CAPN14: variants seen among roughly 807,000 people sequenced by gnomAD.
The protein encoded by CAPN14 is calpain 14.
CAPN14 carries 94 observed loss-of-function variants against 101.3 expected under a neutral mutation model. The observed-to-expected ratio is 0.93, with a 90% CI of 0.79 to 1.10. The LOEUF (loss-of-function observed/expected upper bound fraction) is 1.10, where lower values mean the gene tolerates loss of function less well. CAPN14 is among the 50% of genes least tolerant of loss of function. The pLI is 0.00. For missense variants in CAPN14, 837 were observed against 828.4 expected (o/e 1.01, Z -0.13); for synonymous variants, 338 against 317.9 (o/e 1.06, Z -0.67).
Position 31,192,375 on chromosome 2 carries a change from C to T in CAPN14, c.1115-277G>A, listed in dbSNP as rs147766514. The stretch of plus-strand genomic sequence containing the variant: ...TGGCCCAGGTGTTATACCCCACAAG[C>T]ATGTGCTACCTGAGTAAGCAATTGT... On this transcript the variant is annotated intron_variant, in intron 10 of 21. Coordinates refer to ENST00000403897, the MANE Select transcript of CAPN14 (RefSeq NM_001145122.2). Among the ~76,000 whole-genome samples the T allele has an allele frequency of 6.9e-3, 1,048 of 152,320 alleles. 14 individuals carry two copies. The highest frequency in any genetic ancestry group is 0.024 in the African/African-American group (1,013 of 41,566).
chr2:31,216,916 AG>A (rs1682672109), intron 1 of CAPN14, among the ~76,000 whole-genome samples: 1 of 152,196 alleles, frequency 6.6e-6, no homozygotes, highest in Non-Finnish European at 1.5e-5. Context: ...TCACCGTCCC[AG>A]TGTGTTTTTC....
intron 17 of CAPN14, among the ~76,000 whole-genome samples, chr2:31,179,918 T>C (rs1270725447): frequency 6.6e-6 from 1 of 152,240 alleles, no homozygotes; most frequent in African/African-American, 2.4e-5. Context: ...GCCAATTTGA[T>C]GTGATTTAAA....
Position 31,226,944 on chromosome 2 carries a change from T to TG in CAPN14, c.-176-294dup, listed in dbSNP as rs563214244. Among the ~76,000 whole-genome samples the TG allele has an allele frequency of 1.7e-3, 255 of 152,328 alleles. 1 individual carries two copies. The highest frequency in any genetic ancestry group is 2.8e-3 in the Non-Finnish European group (191 of 68,030). On this transcript the variant is annotated intron_variant and NMD_transcript_variant, in intron 1 of 21. Coordinates refer to the CAPN14 transcript ENST00000398824. ...GATAGCTCAATCAAAGATGCCTGTG[T>TG]GGGCAGTTTCCTACCTCTCTGCACC...
chr2:31,233,478 C>T (rs1333857009), intron 1 of CAPN14, among the ~76,000 whole-genome samples: 3 of 152,214 alleles, frequency 2.0e-5, no homozygotes, highest in Non-Finnish European at 4.4e-5. Context: ...TGACCCTCTG[C>T]TCATGCCTCC....
intron 2 of CAPN14, among the ~76,000 whole-genome samples, chr2:31,224,375 A>ATT (rs1171452411): frequency 6.6e-6 from 1 of 152,052 alleles, no homozygotes; most frequent in Non-Finnish European, 1.5e-5. Flanking sequence ...TTGGTAGAAT[A>ATT]TTTTTTTTAT....
chr2:31,186,328 C>T, intron 16 of CAPN14, 100 bp downstream of exon 16: 2 of 746,342 alleles, frequency 2.7e-6, no homozygotes, highest in Non-Finnish European at 4.3e-6. Context: ...GACCAGTGCT[C>T]AGTAATTCAC....
At chr2:31,179,060 C>CTATAAATATA (rs1553389815) in intron 17 of CAPN14, among the ~76,000 whole-genome samples, 2 of 69,214 alleles carry the variant, frequency 2.9e-5, no homozygotes, top group African/African-American at 1.5e-4. Flanking sequence ...TTATTGAGTT[C>CTATAAATATA]TATATATATA....
chr2:31,182,684 G>A (rs961787195), intron 16 of CAPN14, among the ~76,000 whole-genome samples: 2 of 141,130 alleles, frequency 1.4e-5, no homozygotes, highest in Non-Finnish European at 3.0e-5. Flanking sequence ...TGAAATAAAA[G>A]AGGACACAAA....
chr2:31,201,924 G>A lies in CAPN14; in HGVS notation c.489C>T (p.Val163=). Residue 163 remains valine (V), a synonymous_variant, in exon 5 of 22, where the codon GTC becomes GTT. Transcript: ENST00000403897. ...RLPVNEAGQL[V]FVSSTYKNLF... is the part of the protein sequence containing the mutation. ...AGTTCTTATAGGTGGAGGAGACAAA[G>A]ACCAGCTGGCCAGCCTCATTCACAG... is the stretch of plus-strand genomic sequence containing the variant. The A allele has an allele frequency of 6.4e-7, 1 of 1,551,728 alleles. No individual in the cohort carries two copies. Among genetic ancestry groups the A allele is most frequent in the Non-Finnish European group, 8.7e-7 (1 of 1,147,000 alleles).
intron 1 of CAPN14, among the ~76,000 whole-genome samples, chr2:31,227,173 C>T (rs964044830): frequency 6.6e-6 from 1 of 152,166 alleles, no homozygotes; most frequent in African/African-American, 2.4e-5. Flanking sequence ...CTTATTAAAA[C>T]CAGATACACA....
chr2:31,200,801 T>C (rs1681720085), intron 5 of CAPN14, among the ~76,000 whole-genome samples, 176 bp from the exon 6 acceptor site: 1 of 152,118 alleles, frequency 6.6e-6, no homozygotes. Context: ...CTCCAGCTGG[T>C]GGTCATAGAT....
Position 31,205,385 on chromosome 2 carries a change from C to A in CAPN14, c.63G>T (p.Ala21=), listed in dbSNP as rs768792436. 15 of 1,551,500 alleles carry A rather than the reference C, an allele frequency of 9.7e-6. No homozygotes were observed. In the South Asian group the frequency reaches 1.7e-4, roughly 17 times the overall value. The change falls in exon 2 of 22, where the codon GCG becomes GCT. Residue 21 remains alanine (A), a synonymous_variant. Coordinates refer to ENST00000403897, the MANE Select transcript of CAPN14 (RefSeq NM_001145122.2). ...WKLAPRYSRR[A]SPQQPQQDFE... is the part of the protein sequence containing the mutation. ...AGTCCTGTTGGGGTTGCTGTGGAGA[C>A]GCCCTCCTAGAGTACCTTGGCGCCA...
rs1341604396 is a variant in CAPN14, at chr2:31,200,300, T to C, written c.726+151A>G. Reference sequence around the variant, plus strand: ...GATTACAGGTGTGAGCCACCGCACCTGGCCTTGCTGCTCTGGTTTGAACAC... The same window carrying C: ...GATTACAGGTGTGAGCCACCGCACCCGGCCTTGCTGCTCTGGTTTGAACAC... On this transcript the variant is annotated intron_variant, in intron 6 of 21. Transcript: ENST00000403897. 9 of 647,218 alleles carry C rather than the reference T, an allele frequency of 1.4e-5. No homozygotes were observed. In the East Asian group the frequency reaches 2.7e-4, roughly 19 times the overall value. 40.1% of individuals were successfully genotyped at this position (647,218 alleles called of 1,614,324 possible).
chr2:31,211,655 G>A (rs1682407111), intron 1 of CAPN14, among the ~76,000 whole-genome samples: 1 of 123,556 alleles, frequency 8.1e-6, no homozygotes, highest in East Asian at 2.7e-4. Flanking sequence ...ATTATTAAAT[G>A]AGCACGTGTG....
chr2:31,211,242 G>A (rs1351602076), intron 1 of CAPN14, among the ~76,000 whole-genome samples: 2 of 104,940 alleles, frequency 1.9e-5, no homozygotes, highest in South Asian at 4.1e-4. Flanking sequence ...AAGAAAAAGA[G>A]AGAAAGAGAG....
rs1398973375 is a variant in CAPN14 at position 31,230,220 on chromosome 2, A to G, written c.-176-3569T>C. ...TCAACTAGACCCCAGTGTGGTATAT[A>G]TTTTATATGAATGTGGCACATTTAT... is the stretch of plus-strand genomic sequence containing the variant. On this transcript the variant is annotated intron_variant and NMD_transcript_variant, in intron 1 of 21. Transcript: ENST00000398824. The surrounding 1 kb of genome is among the most constrained non-coding windows in gnomAD (Gnocchi z 4.3). Among the ~76,000 whole-genome samples the G allele has an allele frequency of 6.6e-6, 1 of 152,112 alleles. No individual in the cohort carries two copies. Among genetic ancestry groups the G allele is most frequent in the African/African-American group, 2.4e-5 (1 of 41,400 alleles).
chr2:31,202,114 G>A lies in CAPN14; in HGVS notation c.414+20C>T, dbSNP rs763355673. ...TTTCCTATGACTCCCTCTGGGCTGA[G>A]GACCCGGGAAGACACTCACCCAGAA... On this transcript the variant is annotated intron_variant, in intron 4 of 21. Transcript: ENST00000403897. 1.3e-6 allele frequency: 2 copies of A among 1,550,640 alleles called. No individual in the cohort carries two copies. Among genetic ancestry groups the A allele is most frequent in the Non-Finnish European group, 1.7e-6 (2 of 1,145,888 alleles).
rs1454728550 is a variant in CAPN14 at position 31,173,446 on chromosome 2, G to T, written c.*1235C>A. 6.6e-6 allele frequency: 1 copy of T among 152,090 alleles called. No homozygotes were observed. The highest frequency in any genetic ancestry group is 2.4e-5 in the African/African-American group (1 of 41,390). The allele number at this position is 152,090 out of a possible 1,614,324, so 9.4% of individuals were successfully genotyped here. A position where few individuals can be genotyped will look rare whatever the true frequency, so the allele number is the denominator to read the frequency against. On this transcript the variant is annotated 3_prime_UTR_variant, in exon 22 of 22. Coordinates refer to ENST00000403897, the MANE Select transcript of CAPN14 (RefSeq NM_001145122.2). ...CTGCTATGGAGTTGGAAATCAAACAGCCATGTTTGTTAGAATTGTTTGTAA... is the reference window on the plus strand; with the variant it reads ...CTGCTATGGAGTTGGAAATCAAACATCCATGTTTGTTAGAATTGTTTGTAA...
intron 12 of CAPN14, 62 bp downstream of exon 12, chr2:31,191,337 G>A: frequency 1.3e-6 from 2 of 1,482,306 alleles, no homozygotes; most frequent in Non-Finnish European, 1.8e-6. Flanking sequence ...AAATCCTGTG[G>A]AGGCTTGGCC....
Sources: allele counts gnomAD v4.1 joint callset (sites outside exome capture counted in the v4.1 genomes callset), GRCh38; gene constraint gnomAD v4.1.1; non-coding constraint Gnocchi (gnomAD v3.1); transcripts MANE v1.5; gene names NCBI Gene and HGNC (gene_info 2026-07-23, HGNC 2026-07-21).